The following MAPK4 variants were observed in gnomAD, a reference collection of about 807,000 sequenced individuals.
MAPK4 encodes the protein mitogen-activated protein kinase 4.
MAPK4 carries 22 observed loss-of-function variants against 47.7 expected under a neutral mutation model. The ratio of observed to expected loss-of-function variants is 0.46; its 90% confidence interval spans 0.33 to 0.66. The LOEUF is 0.66. MAPK4 is among the 30% of genes least tolerant of loss of function. The probability of loss-of-function intolerance (pLI) is 0.02; values close to 1 mark genes in which losing one functional copy is unlikely to be tolerated. For missense variants in MAPK4, 736 were observed against 831.7 expected (o/e 0.88, Z 1.42); for synonymous variants, 390 against 365.7 (o/e 1.07, Z -0.76).
At position 50,726,306 on chromosome 18, in the gene MAPK4, CT is replaced by C. The variant is rs1911197185; in HGVS notation, c.1067+133del. The C allele has an allele frequency of 7.2e-6, 6 of 827,604 alleles. No individual in the cohort carries two copies. The East Asian group carries it at 1.6e-4, about 22-fold the overall frequency. 51.3% of individuals were successfully genotyped at this position (827,604 alleles called of 1,614,324 possible). The stretch of plus-strand genomic sequence containing the variant: ...TCATTGGACGACTTCTCCAGCTTAG[CT>C]TCCTGCCTTTCTCTTGTGCCCAGAC... On this transcript the variant is annotated intron_variant, in intron 5 of 5. Coordinates refer to ENST00000400384, the MANE Select transcript of MAPK4 (RefSeq NM_002747.4).
intron 1 of MAPK4, among the ~76,000 whole-genome samples, chr18:50,653,709 G>A (rs982742322): frequency 6.6e-6 from 1 of 152,234 alleles, no homozygotes; most frequent in African/African-American, 2.4e-5. Context: ...TTAATCTACT[G>A]AGAATAGTTC....
intron 2 of MAPK4, among the ~76,000 whole-genome samples, chr18:50,691,024 G>A (rs141918090): frequency 6.6e-6 from 1 of 151,828 alleles, no homozygotes; most frequent in African/African-American, 2.4e-5. Context: ...ACAGGGTCTC[G>A]CTGTGTCGCC....
chr18:50,639,736 C>A (rs943921668), intron 1 of MAPK4, among the ~76,000 whole-genome samples: 9 of 152,174 alleles, frequency 5.9e-5, no homozygotes, highest in African/African-American at 2.2e-4. Context: ...CTTTTCTTCC[C>A]CATCAGGTGA....
chr18:50,715,301 C>A (rs1248857284), intron 3 of MAPK4, 78 bp downstream of exon 3: 3 of 1,465,094 alleles, frequency 2.0e-6, no homozygotes, highest in South Asian at 1.3e-5. Flanking sequence ...AAAACACTTA[C>A]AATCACAAAA....
At chr18:50,677,444 G>A (rs1253000271) in intron 2 of MAPK4, among the ~76,000 whole-genome samples, 5 of 152,178 alleles carry the variant, frequency 3.3e-5, no homozygotes, top group Admixed American at 1.3e-4. Context: ...TGGATTATTC[G>A]GTTACTGAAA....
At chr18:50,594,486 A>T (rs1046395547) in intron 1 of MAPK4, among the ~76,000 whole-genome samples, 1 of 152,224 alleles carries the variant, frequency 6.6e-6, no homozygotes, top group African/African-American at 2.4e-5. Context: ...TGACAGACAC[A>T]GTTGATTCGA....
At chr18:50,633,432 A>C (rs771464265) in intron 1 of MAPK4, among the ~76,000 whole-genome samples, 1 of 152,204 alleles carries the variant, frequency 6.6e-6, no homozygotes, top group Non-Finnish European at 1.5e-5. Flanking sequence ...ATCCTGTAGC[A>C]GTGCGCATTC....
intron 1 of MAPK4, among the ~76,000 whole-genome samples, chr18:50,633,519 G>C (rs2042851624): frequency 6.6e-6 from 1 of 152,148 alleles, no homozygotes; most frequent in African/African-American, 2.4e-5. Context: ...TAGCATATTT[G>C]ACAACACTGT....
At chr18:50,638,318 A>G (rs902250042) in intron 1 of MAPK4, among the ~76,000 whole-genome samples, 2 of 152,194 alleles carry the variant, frequency 1.3e-5, no homozygotes, top group East Asian at 1.9e-4. Context: ...ATAAATCACA[A>G]TCCTTCAAAC....
At position 50,729,543 on chromosome 18, in the gene MAPK4, G is replaced by A. The variant is rs746218319; in HGVS notation, c.1453G>A (p.Glu485Lys). ...GGCGGACACGGGGGCGCGCGAGGACGAGCCGGCCAGCCTCTTCCTGGAGAT... is the reference window on the plus strand; with the variant it reads ...GGCGGACACGGGGGCGCGCGAGGACAAGCCGGCCAGCCTCTTCCTGGAGAT... ...GLADTGARED[E>K]PASLFLEIAQ... The change falls in exon 6 of 6, where the codon GAG becomes AAG. Residue 485 changes from glutamate to lysine, a missense_variant. Glu to Lys is a moderately conservative substitution (Grantham distance 56, BLOSUM62 1). This residue lies in a region of MAPK4 where 377 missense variants were observed against 378.6 expected (regional missense o/e 1.00). Coordinates refer to ENST00000400384, the MANE Select transcript of MAPK4 (RefSeq NM_002747.4). 6.3e-6 allele frequency: 9 copies of A among 1,429,082 alleles called. No individual in the cohort carries two copies. Among genetic ancestry groups the A allele is most frequent in the African/African-American group, 4.4e-5 (3 of 68,108 alleles). 88.5% of individuals were successfully genotyped at this position (1,429,082 alleles called of 1,614,324 possible).
Position 50,726,092 on chromosome 18 carries a change from C to T in MAPK4, c.984C>T (p.Phe328=), listed in dbSNP as rs1216433533. 1 of 1,614,218 alleles carries T rather than the reference C, an allele frequency of 6.2e-7. No homozygotes were observed. The highest frequency in any genetic ancestry group is 2.2e-5 in the East Asian group (1 of 44,878). ...ACGAGCCCACCTCACAACACCCCTT[C>T]CGCATTGAGGATGAGATCGACGACA... is the stretch of plus-strand genomic sequence containing the variant. ...PEDEPTSQHP[F]RIEDEIDDIV... is the part of the protein sequence containing the mutation. Residue 328 remains phenylalanine, a synonymous_variant, in exon 5 of 6, where the codon TTC becomes TTT. Transcript: ENST00000400384.
chr18:50,644,565 G>A (rs926850811), intron 1 of MAPK4, among the ~76,000 whole-genome samples: 1 of 152,098 alleles, frequency 6.6e-6, no homozygotes, highest in Non-Finnish European at 1.5e-5. Context: ...CCCTGGAAAT[G>A]GCCTCTGCAA....
rs1478197294 is a variant in MAPK4, at chr18:50,701,432, T to A, written c.547-13647T>A. On this transcript the variant is annotated intron_variant, in intron 2 of 5. Coordinates refer to ENST00000400384, the MANE Select transcript of MAPK4 (RefSeq NM_002747.4). ...CATTCAGACTTTCCCTCCTGCTGGA[T>A]GCCGCTTGCTTGGCTGGGCATTTGG... Among the ~76,000 whole-genome samples the A allele has an allele frequency of 3.9e-5, 6 of 152,326 alleles. No homozygotes were observed. The East Asian group carries it at 1.2e-3, about 29-fold the overall frequency.
At chr18:50,633,254 C>G (rs1480143909) in intron 1 of MAPK4, among the ~76,000 whole-genome samples, 1 of 152,176 alleles carries the variant, frequency 6.6e-6, no homozygotes, top group Non-Finnish European at 1.5e-5. Flanking sequence ...TGGGGAATCC[C>G]TTTTGCTGGA....
intron 1 of MAPK4, among the ~76,000 whole-genome samples, chr18:50,586,767 G>A (rs1272096714): frequency 6.6e-6 from 1 of 151,876 alleles, no homozygotes; most frequent in Non-Finnish European, 1.5e-5. Context: ...ACTGATCCAG[G>A]GCAAGACCTC....
intron 1 of MAPK4, among the ~76,000 whole-genome samples, chr18:50,568,243 C>A (rs1296108999): frequency 1.3e-5 from 2 of 151,928 alleles, no homozygotes; most frequent in Admixed American, 6.6e-5. Flanking sequence ...ATACAACCCT[C>A]ATGTTCCATG....
chr18:50,725,457 C>T (rs1036786329), intron 4 of MAPK4, among the ~76,000 whole-genome samples: 1 of 152,226 alleles, frequency 6.6e-6, no homozygotes, highest in Admixed American at 6.5e-5. Context: ...TTCCAGCAGC[C>T]CCTTAAGCCA....
intron 1 of MAPK4, among the ~76,000 whole-genome samples, chr18:50,631,717 G>A (rs1330223053): frequency 6.6e-6 from 1 of 152,178 alleles, no homozygotes; most frequent in Non-Finnish European, 1.5e-5. Flanking sequence ...GTGGCCCCCA[G>A]ATGATGGTCA....
chr18:50,711,579 C>T (rs529070476), intron 2 of MAPK4, among the ~76,000 whole-genome samples: 8 of 152,362 alleles, frequency 5.3e-5, no homozygotes, highest in Non-Finnish European at 8.8e-5. Context: ...CACTTGTGCG[C>T]CAAGTGTGCC....
Sources: gnomAD v4.1 joint callset for allele counts (sites outside exome capture counted in the v4.1 genomes callset) on GRCh38, gnomAD v4.1.1 for gene constraint, gnomAD v4.1.1 regional missense constraint, MANE v1.5 for transcripts, NCBI Gene and HGNC (gene_info 2026-07-23, HGNC 2026-07-21) for gene names.